The following NRG3 variants were observed in gnomAD, a reference collection of about 807,000 sequenced individuals.
NRG3 encodes the protein pro-neuregulin-3, membrane-bound isoform.
NRG3 carries 31 observed loss-of-function variants against 66.9 expected under a neutral mutation model. The observed-to-expected ratio is 0.46, with a 90% CI of 0.35 to 0.63. The LOEUF (loss-of-function observed/expected upper bound fraction) is 0.63, where lower values mean the gene tolerates loss of function less well. Among genes scored for constraint, NRG3 ranks in the 20% least tolerant of loss-of-function variants. The pLI is 0.00. For missense variants in NRG3, 910 were observed against 878.9 expected (o/e 1.04, Z -0.45); for synonymous variants, 393 against 359.4 (o/e 1.09, Z -1.06).
intron 2 of NRG3, among the ~76,000 whole-genome samples, chr10:82,420,385 A>T (rs1465385727): frequency 2.0e-5 from 3 of 152,144 alleles, no homozygotes; most frequent in Admixed American, 1.3e-4. Flanking sequence ...ATCAATTTTT[A>T]TCTTATACTG....
chr10:82,459,236 A>T (rs1250690333), intron 2 of NRG3, among the ~76,000 whole-genome samples: 1 of 152,142 alleles, frequency 6.6e-6, no homozygotes, highest in Non-Finnish European at 1.5e-5. Flanking sequence ...CATGTCTGTG[A>T]GCCTTTACCT....
At chr10:82,959,146 C>T in intron 6 of NRG3, 71 bp downstream of exon 6, 1 of 1,452,954 alleles carries the variant, frequency 6.9e-7, no homozygotes, top group Non-Finnish European at 9.1e-7. Context: ...TGTTGGGAGC[C>T]TGGGATCAGA....
intron 2 of NRG3, among the ~76,000 whole-genome samples, chr10:82,629,672 G>A (rs1565144992): frequency 6.6e-6 from 1 of 152,168 alleles, no homozygotes; most frequent in Non-Finnish European, 1.5e-5. Flanking sequence ...CCCTGGGTAG[G>A]GAGGTTACAC....
chr10:82,238,073 T>G (rs2076840864), intron 1 of NRG3, among the ~76,000 whole-genome samples: 1 of 152,198 alleles, frequency 6.6e-6, no homozygotes. Flanking sequence ...GTAGTAATCT[T>G]AAAGTTAATA....
intron 2 of NRG3, among the ~76,000 whole-genome samples, chr10:82,726,962 A>G (rs2057636561): frequency 6.6e-6 from 1 of 152,188 alleles, no homozygotes; most frequent in Non-Finnish European, 1.5e-5. Context: ...TGTTTTACAA[A>G]GAGACTGGTG....
At chr10:82,687,163 T>C (rs2054578725) in intron 2 of NRG3, among the ~76,000 whole-genome samples, 1 of 152,220 alleles carries the variant, frequency 6.6e-6, no homozygotes, top group African/African-American at 2.4e-5. Flanking sequence ...TTCTTATTTA[T>C]AGTCTTCCCA....
At chr10:82,288,872 C>G (rs1230561711) in intron 1 of NRG3, among the ~76,000 whole-genome samples, 1 of 152,198 alleles carries the variant, frequency 6.6e-6, no homozygotes, top group East Asian at 1.9e-4. Context: ...TGTCACATTC[C>G]TACGTATCAG....
At chr10:82,416,316 A>G (rs1431447748) in intron 2 of NRG3, among the ~76,000 whole-genome samples, 1 of 152,206 alleles carries the variant, frequency 6.6e-6, no homozygotes, top group Non-Finnish European at 1.5e-5. Flanking sequence ...TGACTTAGCA[A>G]CCACCTGCAT....
intron 1 of NRG3, among the ~76,000 whole-genome samples, chr10:82,244,121 A>T (rs1361784950): frequency 6.6e-6 from 1 of 152,210 alleles, no homozygotes; most frequent in Non-Finnish European, 1.5e-5. Flanking sequence ...TTTACCTAAA[A>T]GTCTAGAAAG....
At chr10:82,056,265 G>A (rs186792410) in intron 1 of NRG3, among the ~76,000 whole-genome samples, 2 of 152,228 alleles carry the variant, frequency 1.3e-5, no homozygotes, top group East Asian at 3.9e-4. Flanking sequence ...TTCTAAGCTT[G>A]GTCAGGTGGG....
At chr10:82,287,237 A>C (rs1282131644) in intron 1 of NRG3, among the ~76,000 whole-genome samples, 1 of 151,826 alleles carries the variant, frequency 6.6e-6, no homozygotes, top group South Asian at 2.1e-4. Flanking sequence ...GTAAGTTCTC[A>C]TGGGATCTGG....
intron 2 of NRG3, among the ~76,000 whole-genome samples, chr10:82,660,714 T>G (rs2052289262): frequency 2.6e-5 from 4 of 152,234 alleles, no homozygotes; most frequent in Admixed American, 2.6e-4. Context: ...TATTTTTTTC[T>G]AACTGTTTGA....
intron 2 of NRG3, among the ~76,000 whole-genome samples, chr10:82,701,683 G>C (rs1451607554): frequency 2.6e-5 from 4 of 152,132 alleles, no homozygotes; most frequent in Non-Finnish European, 4.4e-5. Context: ...AATAGTAGTA[G>C]CGTTAATGTT....
intron 2 of NRG3, among the ~76,000 whole-genome samples, chr10:82,383,950 TATG>T (rs2085802995): frequency 6.6e-6 from 1 of 152,016 alleles, no homozygotes. Flanking sequence ...TGGATGTGTT[TATG>T]ATAATTTATC....
rs899337542 is a variant in NRG3, at chr10:82,986,436, CAT to C, written c.*832_*833del. 3.3e-5 allele frequency: 5 copies of C among 152,122 alleles called. No homozygotes were observed. The highest frequency in any genetic ancestry group is 1.3e-4 in the Admixed American group (2 of 15,276). The allele number at this position is 152,122 out of a possible 1,614,324, so 9.4% of individuals were successfully genotyped here. A position where few individuals can be genotyped will look rare whatever the true frequency, so the allele number is the denominator to read the frequency against. ...CACGCGGGCACATATGCTGTAAGCA[CAT>C]GTGTTCATTGTGCGTATGTGTGTGC... On this transcript the variant is annotated 3_prime_UTR_variant, in exon 9 of 9. Transcript: ENST00000372141.
intron 3 of NRG3, among the ~76,000 whole-genome samples, chr10:82,851,522 C>T (rs1263545229): frequency 6.6e-6 from 1 of 152,168 alleles, no homozygotes; most frequent in Non-Finnish European, 1.5e-5. Flanking sequence ...CTGCAGAGGG[C>T]ATCTGGTCCT....
chr10:82,914,507 A>G (rs1845644945), intron 4 of NRG3, among the ~76,000 whole-genome samples: 1 of 152,034 alleles, frequency 6.6e-6, no homozygotes, highest in Admixed American at 6.6e-5. Flanking sequence ...AGAGGCTAAA[A>G]TTTCCTTCTG....
At chr10:82,903,654 C>T (rs2131900977) in intron 4 of NRG3, among the ~76,000 whole-genome samples, 2 of 152,178 alleles carry the variant, frequency 1.3e-5, no homozygotes, top group Non-Finnish European at 2.9e-5. Flanking sequence ...CTTATGACTT[C>T]CTTAAGAACA....
At chr10:82,305,516 G>A (rs922648612) in intron 1 of NRG3, among the ~76,000 whole-genome samples, 1 of 151,974 alleles carries the variant, frequency 6.6e-6, no homozygotes, top group Non-Finnish European at 1.5e-5. Flanking sequence ...TGATGGAGAG[G>A]TTTCCTTTTC....
Sources: allele counts gnomAD v4.1 joint callset (sites outside exome capture counted in the v4.1 genomes callset), GRCh38; gene constraint gnomAD v4.1.1; transcripts MANE v1.5; gene names NCBI Gene and HGNC (gene_info 2026-07-23, HGNC 2026-07-21).